IPCEF1: variants seen among roughly 807,000 people sequenced by gnomAD.
The protein encoded by IPCEF1 is interactor protein for cytohesin exchange factors 1.
A neutral mutation model predicts 50.9 loss-of-function variants in IPCEF1; 31 were observed. The observed-to-expected ratio is 0.61, with a 90% CI of 0.46 to 0.82. The LOEUF is 0.82. IPCEF1 is among the 40% of genes least tolerant of loss of function. IPCEF1 has a pLI of 0.00. For missense variants in IPCEF1, 458 were observed against 514.0 expected (o/e 0.89, Z 1.05); for synonymous variants, 181 against 192.0 (o/e 0.94, Z 0.47).
At chr6:154,203,718 T>C (rs1303071381) in intron 9 of IPCEF1, among the ~76,000 whole-genome samples, 1 of 152,196 alleles carries the variant, frequency 6.6e-6, no homozygotes, top group Non-Finnish European at 1.5e-5. Context: ...TTTGATGAGC[T>C]ACCTGAGAAC....
intron 1 of IPCEF1, among the ~76,000 whole-genome samples, chr6:154,301,886 C>T (rs906860758): frequency 1.6e-4 from 24 of 152,088 alleles, no homozygotes; most frequent in Non-Finnish European, 1.6e-4. Context: ...TATTTTAAAT[C>T]TAGATTCTAA....
At chr6:154,275,132 A>T (rs982511414) in intron 2 of IPCEF1, among the ~76,000 whole-genome samples, 1 of 152,158 alleles carries the variant, frequency 6.6e-6, no homozygotes, top group Non-Finnish European at 1.5e-5. Context: ...TGCCTCTCCT[A>T]CGCCAGCTCC....
intron 1 of IPCEF1, among the ~76,000 whole-genome samples, chr6:154,317,591 A>T (rs1292097568): frequency 6.9e-6 from 1 of 145,538 alleles, no homozygotes; most frequent in African/African-American, 2.5e-5. Context: ...TGACTCAGAC[A>T]CTTAACAAAA....
rs368350604 is a variant in IPCEF1 at position 154,321,373 on chromosome 6, T to C, written c.-61-31617A>G. ...AATAAAACCTACAGATGATGCAAAA[T>C]AGTTTTTACTCATGAACTTATATAC... On this transcript the variant is annotated intron_variant, in intron 1 of 11. Coordinates refer to ENST00000367220, the MANE Select transcript of IPCEF1 (RefSeq NM_001130700.2). Among the ~76,000 whole-genome samples the C allele has an allele frequency of 1.8e-4, 28 of 152,010 alleles. No individual in the cohort carries two copies. In the East Asian group the frequency reaches 5.0e-3, roughly 27 times the overall value.
At chr6:154,294,821 C>T (rs771921881) in intron 1 of IPCEF1, among the ~76,000 whole-genome samples, 34 of 152,138 alleles carry the variant, frequency 2.2e-4, no homozygotes, top group Non-Finnish European at 4.4e-4. Context: ...GAAAGTCCTA[C>T]ACCACCAGGA....
intron 8 of IPCEF1, 126 bp from the exon 9 acceptor site, chr6:154,212,981 T>A: frequency 1.4e-6 from 1 of 695,462 alleles, no homozygotes; most frequent in Non-Finnish European, 2.5e-6. Flanking sequence ...TCATATCTAA[T>A]GAACTACCTG....
intron 7 of IPCEF1, among the ~76,000 whole-genome samples, chr6:154,216,670 C>G (rs1778420116): frequency 6.6e-6 from 1 of 152,136 alleles, no homozygotes; most frequent in African/African-American, 2.4e-5. Context: ...GAGTTGGAGA[C>G]CAGCCTGACC....
intron 5 of IPCEF1, among the ~76,000 whole-genome samples, chr6:154,240,334 G>A (rs1193122798): frequency 6.6e-6 from 1 of 152,050 alleles, no homozygotes; most frequent in Non-Finnish European, 1.5e-5. Context: ...TGTAGCTGGG[G>A]GAGAAAGAAT....
Position 154,203,146 on chromosome 6 carries a change from C to G in IPCEF1, c.538-3106G>C, listed in dbSNP as rs143060479. On this transcript the variant is annotated intron_variant, in intron 9 of 11. Transcript: ENST00000367220. ...TAGCTCACTGCCTTCTGTGAACCAT[C>G]TGTGCAACATACTCATAAAGCTCCC... Among the ~76,000 whole-genome samples, 1,007 of 152,294 alleles carry G rather than the reference C, an allele frequency of 6.6e-3. 4 individuals are homozygous for G. The highest frequency in any genetic ancestry group is 0.021 in the African/African-American group (883 of 41,560).
intron 2 of IPCEF1, among the ~76,000 whole-genome samples, chr6:154,269,742 C>T (rs1323978943): frequency 6.6e-6 from 1 of 152,186 alleles, no homozygotes; most frequent in Non-Finnish European, 1.5e-5. Flanking sequence ...CTAAGCTCAA[C>T]TCTTGTTTCT....
Position 154,270,523 on chromosome 6 carries a change from ATC to A in IPCEF1, c.-17-4561_-17-4560del, listed in dbSNP as rs1174203994. 3.3e-5 allele frequency among the ~76,000 whole-genome samples: 5 copies of A among 152,310 alleles called. No individual in the cohort carries two copies. The East Asian group carries it at 9.6e-4, about 29-fold the overall frequency. On this transcript the variant is annotated intron_variant, in intron 2 of 11. Transcript: ENST00000367220. Reference sequence around the variant, plus strand: ...TACTGCATATTCAATAAAAATATTTATCTGTTTTATTCAATCACTATCAGTCA... The same window carrying A: ...TACTGCATATTCAATAAAAATATTTATGTTTTATTCAATCACTATCAGTCA...
chr6:154,251,222 T>C (rs1325565852), intron 3 of IPCEF1, among the ~76,000 whole-genome samples: 2 of 151,950 alleles, frequency 1.3e-5, no homozygotes, highest in Non-Finnish European at 2.9e-5. Context: ...AGAAAGACAA[T>C]AGACATTCTA....
At chr6:154,284,929 G>T (rs1254406657) in intron 2 of IPCEF1, among the ~76,000 whole-genome samples, 1 of 152,066 alleles carries the variant, frequency 6.6e-6, no homozygotes, top group Non-Finnish European at 1.5e-5. Context: ...GAACCCAGGA[G>T]GCAGAGGTTG....
intron 5 of IPCEF1, among the ~76,000 whole-genome samples, chr6:154,232,880 G>A (rs1235795396): frequency 6.6e-6 from 1 of 151,808 alleles, no homozygotes; most frequent in Non-Finnish European, 1.5e-5. Flanking sequence ...ATTATTATTA[G>A]TTCCTAGGAA....
chr6:154,277,053 G>A (rs1562576356), intron 2 of IPCEF1, among the ~76,000 whole-genome samples: 1 of 152,212 alleles, frequency 6.6e-6, no homozygotes, highest in Non-Finnish European at 1.5e-5. Flanking sequence ...AAGAGACACT[G>A]ACGAGCTGCA....
chr6:154,346,388 T>C (rs1784030038), intron 1 of IPCEF1, among the ~76,000 whole-genome samples: 1 of 152,244 alleles, frequency 6.6e-6, no homozygotes, highest in Non-Finnish European at 1.5e-5. Context: ...CATTTTACTA[T>C]GAGGTTGAAT....
At chr6:154,235,723 C>G (rs1780078503) in intron 5 of IPCEF1, among the ~76,000 whole-genome samples, 1 of 152,088 alleles carries the variant, frequency 6.6e-6, no homozygotes, top group African/African-American at 2.4e-5. Flanking sequence ...CTAAGAAAAT[C>G]TGGTTCAAAA....
chr6:154,336,091 C>G (rs1381780318), intron 1 of IPCEF1, among the ~76,000 whole-genome samples: 1 of 152,196 alleles, frequency 6.6e-6, no homozygotes, highest in African/African-American at 2.4e-5. Context: ...AGTATAGCCA[C>G]TGTGGAAAAT....
intron 1 of IPCEF1, among the ~76,000 whole-genome samples, chr6:154,351,028 T>G (rs775003574): frequency 6.6e-6 from 1 of 152,206 alleles, no homozygotes; most frequent in Non-Finnish European, 1.5e-5. Context: ...CCTGGTTTGG[T>G]ATTTTTATCT....
Sources: allele counts gnomAD v4.1 joint callset (sites outside exome capture counted in the v4.1 genomes callset), GRCh38; gene constraint gnomAD v4.1.1; transcripts MANE v1.5; gene names NCBI Gene and HGNC (gene_info 2026-07-23, HGNC 2026-07-21).